PDS5A: variants seen among roughly 807,000 people sequenced by gnomAD.
PDS5A encodes the protein sister chromatid cohesion protein PDS5 homolog A.
PDS5A carries 42 observed loss-of-function variants against 167.1 expected under a neutral mutation model. The ratio of observed to expected loss-of-function variants is 0.25; its 90% CI spans 0.20 to 0.33. PDS5A has a LOEUF of 0.33. PDS5A is among the 10% of genes least tolerant of loss of function. The pLI, the probability that PDS5A is intolerant of heterozygous loss-of-function variation, is 1.00. For missense variants in PDS5A, 1,033 were observed against 1,605.9 expected, an observed-to-expected ratio of 0.64 and a Z score of 6.10; for synonymous variants, 553 against 554.6, an observed-to-expected ratio of 1.00 and a Z score of 0.04.
chr4:39,829,013 G>A (rs1226533024), intron 32 of PDS5A, among the ~76,000 whole-genome samples: 1 of 152,178 alleles, frequency 6.6e-6, no homozygotes, highest in Non-Finnish European at 1.5e-5. Context: ...GCTGAACTTA[G>A]TGCAGCAATC....
intron 17 of PDS5A, among the ~76,000 whole-genome samples, chr4:39,888,067 T>C (rs771028539): frequency 2.0e-5 from 3 of 151,848 alleles, no homozygotes; most frequent in Admixed American, 6.6e-5. Context: ...CTGGCCAACA[T>C]GGTGAAACCC....
intron 16 of PDS5A, among the ~76,000 whole-genome samples, chr4:39,897,504 T>C (rs1379788421): frequency 6.6e-6 from 1 of 152,148 alleles, no homozygotes; most frequent in Non-Finnish European, 1.5e-5. Flanking sequence ...GTTCAAGCAA[T>C]TCTCCTGTCT....
chr4:39,869,604 T>A (rs1719846730), intron 21 of PDS5A, 142 bp from the exon 22 acceptor site: 2 of 645,064 alleles, frequency 3.1e-6, no homozygotes, highest in Non-Finnish European at 2.7e-6. Flanking sequence ...AAGGACAAAG[T>A]TAGAAGACTC....
At chr4:39,915,368 G>C (rs1318680571) in intron 8 of PDS5A, among the ~76,000 whole-genome samples, 3 of 57,910 alleles carry the variant, frequency 5.2e-5, no homozygotes, top group Non-Finnish European at 1.3e-4. Context: ...TTTTTTTTTT[G>C]GGTGAGACAA....
At chr4:39,968,748 T>TA (rs1441628159) in intron 2 of PDS5A, among the ~76,000 whole-genome samples, 1 of 151,462 alleles carries the variant, frequency 6.6e-6, no homozygotes, top group Non-Finnish European at 1.5e-5. Flanking sequence ...ATGAATTTTT[T>TA]AAAAAATCAC....
chr4:39,959,900 C>A (rs566109828), intron 2 of PDS5A, among the ~76,000 whole-genome samples: 2 of 151,998 alleles, frequency 1.3e-5, no homozygotes, highest in South Asian at 4.1e-4. Flanking sequence ...ACCAGGCTGG[C>A]CAACACAGTG....
In PDS5A at chr4:39,917,171, C is replaced by G; in HGVS notation, c.753G>C (p.Leu251=). The G allele has an allele frequency of 6.4e-7, 1 of 1,554,044 alleles. No homozygotes were observed. The highest frequency in any genetic ancestry group is 8.6e-7 in the Non-Finnish European group (1 of 1,158,138). Reference sequence around the variant, plus strand: ...CACTTACTGATGATCTTCCCAGCACCAGGACTTGATTGAAAAACTGTAAGA... The same window carrying G: ...CACTTACTGATGATCTTCCCAGCACGAGGACTTGATTGAAAAACTGTAAGA... The part of the protein sequence containing the change: ...ACIANFFNQV[L]VLGRSSVSDL... Residue 251 remains leucine, a synonymous_variant, in exon 8 of 33, where the codon CTG becomes CTC. Coordinates refer to ENST00000303538, the MANE Select transcript of PDS5A (RefSeq NM_001100399.2).
At chr4:39,856,010 G>A (rs1036095891) in intron 26 of PDS5A, among the ~76,000 whole-genome samples, 1 of 152,128 alleles carries the variant, frequency 6.6e-6, no homozygotes, top group Non-Finnish European at 1.5e-5. Flanking sequence ...GATGAAATCT[G>A]AAACCCACAC....
At chr4:39,894,713 A>G (rs779515382) in intron 16 of PDS5A, among the ~76,000 whole-genome samples, 2 of 152,224 alleles carry the variant, frequency 1.3e-5, no homozygotes. Flanking sequence ...CTTCTAGAAC[A>G]AAGTTAGACA....
intron 7 of PDS5A, among the ~76,000 whole-genome samples, 170 bp downstream of exon 7, chr4:39,920,149 T>C (rs759357285): frequency 6.6e-5 from 10 of 152,152 alleles, no homozygotes; most frequent in Non-Finnish European, 1.3e-4. Context: ...TATCCACCCT[T>C]TAAAAACGTC....
At chr4:39,837,725 C>T (rs1716558645) in intron 32 of PDS5A, 131 bp downstream of exon 32, 5 of 638,658 alleles carry the variant, frequency 7.8e-6, no homozygotes, top group East Asian at 5.5e-5. Flanking sequence ...CTATTATAAA[C>T]GGACCCAGGA....
chr4:39,896,674 G>C (rs1276422972), intron 16 of PDS5A, among the ~76,000 whole-genome samples: 1 of 151,742 alleles, frequency 6.6e-6, no homozygotes, highest in Non-Finnish European at 1.5e-5. Flanking sequence ...ATTGAAGGGA[G>C]AGGATCACGT....
intron 13 of PDS5A, among the ~76,000 whole-genome samples, chr4:39,902,076 T>A (rs1334000657): frequency 6.6e-6 from 1 of 152,168 alleles, no homozygotes; most frequent in Non-Finnish European, 1.5e-5. Flanking sequence ...AAAGCACCAG[T>A]AGTTTTAGAC....
At chr4:39,845,574 C>T (rs983750352) in intron 29 of PDS5A, among the ~76,000 whole-genome samples, 11 of 152,088 alleles carry the variant, frequency 7.2e-5, no homozygotes, top group Non-Finnish European at 1.6e-4. Flanking sequence ...GGAAAGTCTT[C>T]TTTGTGAATT....
At chr4:39,901,382 C>T (rs1722875675) in intron 13 of PDS5A, among the ~76,000 whole-genome samples, 1 of 151,620 alleles carries the variant, frequency 6.6e-6, no homozygotes, top group South Asian at 2.1e-4. Flanking sequence ...ATTCTCCGGC[C>T]TCAGCCTCCC....
chr4:39,943,160 ACACACACACG>A (rs1470352747), intron 2 of PDS5A, among the ~76,000 whole-genome samples: 21 of 131,014 alleles, frequency 1.6e-4, no homozygotes, highest in Admixed American at 8.8e-4. Flanking sequence ...ACACACACAC[ACACACACACG>A]CACGCACACA....
chr4:39,852,077 T>C (rs972487663), intron 26 of PDS5A, among the ~76,000 whole-genome samples: 9 of 152,210 alleles, frequency 5.9e-5, no homozygotes, highest in African/African-American at 2.2e-4. Context: ...TGGAAAAAAG[T>C]ATGATTGTCT....
chr4:39,973,664 C>A, intron 2 of PDS5A: 1 of 1,297,104 alleles, frequency 7.7e-7, no homozygotes, highest in Admixed American at 1.7e-5. Flanking sequence ...GCCACAAAAC[C>A]ATCGTATGTA....
intron 2 of PDS5A, among the ~76,000 whole-genome samples, chr4:39,944,178 C>CAAA (rs60344531): frequency 4.9e-4 from 43 of 88,194 alleles, no homozygotes; most frequent in African/African-American, 5.9e-4. Context: ...GACTCCGTCT[C>CAAA]AAAAAAAAAA....
Sources: allele counts gnomAD v4.1 joint callset (sites outside exome capture counted in the v4.1 genomes callset), GRCh38; gene constraint gnomAD v4.1.1; transcripts MANE v1.5; gene names NCBI Gene and HGNC (gene_info 2026-07-23, HGNC 2026-07-21).